The following CDH2 variants were observed in gnomAD, a reference collection of about 807,000 sequenced individuals.
CDH2 encodes the protein cadherin-2.
Under a neutral mutation model 92.0 loss-of-function variants are expected in CDH2, and 17 were observed. The ratio of observed to expected loss-of-function variants is 0.18; its 90% CI spans 0.13 to 0.28. CDH2 has a LOEUF of 0.28. Ranked by LOEUF, CDH2 falls within the 10% of genes least tolerant of loss-of-function variation. The probability of loss-of-function intolerance (pLI) is 1.00; values close to 1 mark genes in which losing one functional copy is unlikely to be tolerated. For missense variants in CDH2, 862 were observed against 1,133.1 expected (o/e 0.76, Z 3.44); for synonymous variants, 419 against 415.9 (o/e 1.01, Z -0.09).
intron 2 of CDH2, among the ~76,000 whole-genome samples, chr18:28,080,243 G>A (rs1201198404): frequency 1.3e-5 from 2 of 152,132 alleles, no homozygotes; most frequent in African/African-American, 2.4e-5. Context: ...TCCAACACAA[G>A]CCCGAAGCCT....
At chr18:28,051,591 T>C (rs540398936) in intron 2 of CDH2, among the ~76,000 whole-genome samples, 49 of 152,284 alleles carry the variant, frequency 3.2e-4, no homozygotes, top group African/African-American at 1.2e-3. Flanking sequence ...ATGTCAAACA[T>C]TTTTATTAAA....
rs1212363792 is a variant in CDH2, at chr18:27,993,526, T to G, written c.1132A>C (p.Asn378His). The G allele has an allele frequency of 6.2e-7, 1 of 1,614,132 alleles. No homozygotes were observed. Among genetic ancestry groups the G allele is most frequent in the Non-Finnish European group, 8.5e-7 (1 of 1,179,974 alleles). ...AVITVTDVND[N>H]PPEFTAMTFY... ...GTCATGGCAGTAAACTCTGGAGGAT[T>G]GTCATTGACATCTGTCACTGTGATG... The change falls in exon 8 of 16, where the codon AAT (asparagine) becomes CAT (histidine). Residue 378 changes from asparagine to histidine, a missense_variant. Asn to His is a moderately conservative substitution (Grantham distance 68). Around this residue, in one of 5 missense-constraint regions of CDH2, gnomAD observed 564 missense variants for 722.2 expected, o/e 0.78. Transcript: ENST00000269141.
intron 2 of CDH2, among the ~76,000 whole-genome samples, chr18:28,060,953 T>C (rs1012494461): frequency 2.0e-5 from 3 of 152,226 alleles, no homozygotes; most frequent in Non-Finnish European, 4.4e-5. Context: ...CAAATTCATT[T>C]TTTTACTTAA....
chr18:28,063,263 A>C (rs756286238), intron 2 of CDH2, among the ~76,000 whole-genome samples: 3 of 152,204 alleles, frequency 2.0e-5, no homozygotes, highest in African/African-American at 7.2e-5. Context: ...ATTTTACTGA[A>C]CATTTCACAT....
intron 2 of CDH2, among the ~76,000 whole-genome samples, chr18:28,045,883 A>T (rs1460608438): frequency 1.3e-5 from 2 of 152,342 alleles, no homozygotes; most frequent in East Asian, 1.9e-4. Context: ...AGAGAACTGA[A>T]TAATTAACAG....
intron 2 of CDH2, among the ~76,000 whole-genome samples, chr18:28,032,447 G>A (rs2013721834): frequency 6.6e-6 from 1 of 151,946 alleles, no homozygotes; most frequent in Non-Finnish European, 1.5e-5. Flanking sequence ...CAACAGCACT[G>A]GGAACAATAT....
intron 6 of CDH2, among the ~76,000 whole-genome samples, chr18:27,934,138 A>C (rs993229381): frequency 1.3e-5 from 2 of 152,120 alleles, no homozygotes; most frequent in Non-Finnish European, 2.9e-5. Context: ...TATTAATACC[A>C]TTTTCTTTAC....
At chr18:28,158,056 C>A (rs1325068251) in intron 1 of CDH2, among the ~76,000 whole-genome samples, 1 of 152,138 alleles carries the variant, frequency 6.6e-6, no homozygotes, top group African/African-American at 2.4e-5. Flanking sequence ...AAACCTGGAG[C>A]ATGGTTTCAC....
chr18:28,045,542 T>A (rs2014057592), intron 2 of CDH2: 1 of 413,538 alleles, frequency 2.4e-6, no homozygotes, highest in Non-Finnish European at 4.9e-6. Context: ...CACATCCAAC[T>A]GTTTCAGGCT....
chr18:28,003,382 A>G (rs1354101132), intron 6 of CDH2, among the ~76,000 whole-genome samples: 6 of 152,222 alleles, frequency 3.9e-5, no homozygotes, highest in Non-Finnish European at 7.3e-5. Context: ...GAAAAATTAT[A>G]CAACATACAT....
chr18:28,133,989 T>C (rs764110263), intron 2 of CDH2, among the ~76,000 whole-genome samples: 1 of 151,948 alleles, frequency 6.6e-6, no homozygotes, highest in East Asian at 1.9e-4. Flanking sequence ...CAAGACCTCA[T>C]CTCTAAAACA....
chr18:28,101,850 C>A (rs1390196478), intron 2 of CDH2, among the ~76,000 whole-genome samples: 1 of 152,120 alleles, frequency 6.6e-6, no homozygotes, highest in East Asian at 1.9e-4. Flanking sequence ...CTTCACCCTA[C>A]AAACACACCC....
intron 2 of CDH2, among the ~76,000 whole-genome samples, chr18:28,041,541 A>G (rs1211003617): frequency 6.6e-6 from 1 of 152,224 alleles, no homozygotes; most frequent in Non-Finnish European, 1.5e-5. Context: ...TTAACGGATA[A>G]GTGTCCATGA....
intron 2 of CDH2, among the ~76,000 whole-genome samples, chr18:28,023,526 T>C (rs527865774): frequency 1.3e-5 from 2 of 152,148 alleles, no homozygotes; most frequent in East Asian, 3.9e-4. Flanking sequence ...GGTTTTACCA[T>C]GTTGGCCAGG....
At chr18:28,124,124 T>G (rs1003878536) in intron 2 of CDH2, among the ~76,000 whole-genome samples, 1 of 150,954 alleles carries the variant, frequency 6.6e-6, no homozygotes, top group Admixed American at 6.6e-5. Context: ...CTGTAGTGAT[T>G]TTTTTTTTAA....
intron 5 of CDH2, 119 bp downstream of exon 5, chr18:28,009,598 G>A: frequency 1.4e-6 from 1 of 739,346 alleles, no homozygotes; most frequent in Non-Finnish European, 2.0e-6. Flanking sequence ...AAAGACTACA[G>A]ATACAATTCT....
intron 1 of CDH2, among the ~76,000 whole-genome samples, chr18:28,165,362 G>C (rs769586623): frequency 1.8e-4 from 27 of 152,062 alleles, no homozygotes; most frequent in Non-Finnish European, 7.4e-5. Flanking sequence ...AACCCAGCTA[G>C]TTATTTTTTG....
intron 1 of CDH2, among the ~76,000 whole-genome samples, chr18:28,169,743 C>G (rs1044137007): frequency 6.6e-6 from 1 of 152,136 alleles, no homozygotes; most frequent in South Asian, 2.1e-4. Context: ...ATTATAATTC[C>G]CATACCATAT....
intron 2 of CDH2, chr18:28,036,485 A>C: frequency 6.3e-7 from 1 of 1,579,140 alleles, no homozygotes; most frequent in South Asian, 1.1e-5. Context: ...AGGAAAACAT[A>C]CAATTCTGCT....
Sources: allele counts gnomAD v4.1 joint callset (sites outside exome capture counted in the v4.1 genomes callset), GRCh38; gene constraint gnomAD v4.1.1; regional missense constraint gnomAD v4.1.1; transcripts MANE v1.5; gene names NCBI Gene and HGNC (gene_info 2026-07-23, HGNC 2026-07-21).